The following SPC25 variants were observed in gnomAD, a reference collection of about 807,000 sequenced individuals.
SPC25 encodes kinetochore protein Spc25.
In SPC25, 22 loss-of-function variants were observed where a neutral mutation model predicts 29.6. The observed-to-expected ratio is 0.74, with a 90% CI of 0.53 to 1.06. The LOEUF (loss-of-function observed/expected upper bound fraction) is 1.06, where lower values mean the gene tolerates loss of function less well. Ranked by LOEUF, SPC25 falls within the 50% of genes least tolerant of loss-of-function variation. The probability of loss-of-function intolerance (pLI) is 0.00; values close to 1 mark genes in which losing one functional copy is unlikely to be tolerated. For missense variants in SPC25, 230 were observed against 255.8 expected, an observed-to-expected ratio of 0.90 and a Z score of 0.69; for synonymous variants, 91 against 90.4, an observed-to-expected ratio of 1.01 and a Z score of -0.04.
chr2:168,867,613 A>T (rs1446477541), downstream of SPC25, among the ~76,000 whole-genome samples: 1 of 152,190 alleles, frequency 6.6e-6, no homozygotes, highest in East Asian at 1.9e-4. Context: ...AGACTTTAAA[A>T]CAACAAAGAT....
chr2:168,874,482 C>A (rs922066640), intron 5 of SPC25, among the ~76,000 whole-genome samples: 2 of 152,072 alleles, frequency 1.3e-5, no homozygotes, highest in African/African-American at 4.8e-5. Flanking sequence ...TAACCCAGTG[C>A]CCACCAACAG....
At chr2:168,868,811 A>C (rs1458483579), downstream of SPC25, among the ~76,000 whole-genome samples, 1 of 152,240 alleles carries the variant, frequency 6.6e-6, no homozygotes, top group Non-Finnish European at 1.5e-5. Flanking sequence ...TTCTGAAACT[A>C]TTCCAGTCAA....
intron 4 of SPC25, among the ~76,000 whole-genome samples, chr2:168,864,296 T>A: frequency 7.3e-6 from 1 of 136,160 alleles, no homozygotes; most frequent in East Asian, 2.2e-4. Flanking sequence ...TTTTTTTTTT[T>A]CTGAGACAGA....
chr2:168,863,673 AGT>A, intron 4 of SPC25: 22 of 26,880 alleles, frequency 8.2e-4, no homozygotes, highest in Non-Finnish European at 8.9e-4. Flanking sequence ...CAAAGCTGTG[AGT>A]GAGTTAAACT....
chr2:168,864,807 C>T (rs758363661), intron 4 of SPC25: 2 of 1,612,750 alleles, frequency 1.2e-6, no homozygotes, highest in Non-Finnish European at 1.7e-6. Flanking sequence ...ATCACAGAGA[C>T]CCATTTGTCT....
chr2:168,870,246 TA>T (rs1318274062), downstream of SPC25, among the ~76,000 whole-genome samples: 1 of 151,558 alleles, frequency 6.6e-6, no homozygotes, highest in Non-Finnish European at 1.5e-5. Flanking sequence ...CCTAAAACCA[TA>T]AAAACCCTAG....
chr2:168,863,780 A>ACAAT (rs1197188619), intron 4 of SPC25: 10 of 379,110 alleles, frequency 2.6e-5, no homozygotes, highest in South Asian at 1.1e-4. Flanking sequence ...AACACGCCAA[A>ACAAT]CAATCAAAAA....
At chr2:168,872,260 G>A (rs970854051) in intron 6 of SPC25, among the ~76,000 whole-genome samples, 4 of 152,240 alleles carry the variant, frequency 2.6e-5, no homozygotes, top group East Asian at 1.9e-4. Flanking sequence ...AAGCCACCAT[G>A]CCCAGCCTGA....
chr2:168,886,623 C>A (rs1313378919), intron 3 of SPC25, among the ~76,000 whole-genome samples: 5 of 151,238 alleles, frequency 3.3e-5, no homozygotes, highest in African/African-American at 1.2e-4. Context: ...AGGTTCACGC[C>A]ATTCTCCTGC....
chr2:168,880,313 AG>A (rs1234841081), intron 3 of SPC25, among the ~76,000 whole-genome samples: 4 of 152,348 alleles, frequency 2.6e-5, no homozygotes, highest in Non-Finnish European at 2.9e-5. Flanking sequence ...CTTCTACATT[AG>A]CACTTCTGCT....
In SPC25 at chr2:168,864,769, T is replaced by TATCA. The variant is rs999880231; in HGVS notation, n.419+8812_419+8815dup. 3.2e-5 allele frequency: 50 copies of TATCA among 1,579,672 alleles called. No individual in the cohort carries two copies. In the East Asian group the frequency reaches 7.4e-4, roughly 23 times the overall value. On this transcript the variant is annotated intron_variant and non_coding_transcript_variant, in intron 4 of 4. Coordinates refer to the SPC25 transcript ENST00000479309. The stretch of plus-strand genomic sequence containing the variant: ...TGAAGCAGAACCTCCTTAAAACTCT[T>TATCA]ATCAATCGGGCTGAGGCATGTGTTC...
chr2:168,863,533 A>G lies in SPC25; in HGVS notation n.419+10052T>C, dbSNP rs967369397. The G allele has an allele frequency of 1.0e-5, 10 of 985,222 alleles. No homozygotes were observed. In the South Asian group the frequency reaches 2.8e-4, roughly 28 times the overall value. The allele number at this position is 985,222 out of a possible 1,614,324, so 61.0% of individuals were successfully genotyped here. A position where few individuals can be genotyped will look rare whatever the true frequency, so the allele number is the denominator to read the frequency against. ...TGACAAGAGCCATGTTTCTTGTCCA[A>G]TTCTCTATGGAATTCTCTTTATTTG... On this transcript the variant is annotated intron_variant and non_coding_transcript_variant, in intron 4 of 4. Coordinates refer to the SPC25 transcript ENST00000479309.
chr2:168,884,822 G>GAAT (rs111386589), intron 3 of SPC25: 47,974 of 151,530 alleles, frequency 0.32, 8,349 homozygotes, highest in East Asian at 0.56. Flanking sequence ...AGAAAAGTAG[G>GAAT]AATAATAATA....
downstream of SPC25, among the ~76,000 whole-genome samples, chr2:168,869,893 T>C (rs77821684): frequency 0.085 from 12,864 of 151,792 alleles, 965 homozygotes; most frequent in African/African-American, 0.2. Context: ...GAGCCCGCAT[T>C]GCCAAGTCAA....
At chr2:168,874,708 C>T (rs1690056675) in intron 5 of SPC25, among the ~76,000 whole-genome samples, 1 of 152,026 alleles carries the variant, frequency 6.6e-6, no homozygotes, top group Admixed American at 6.6e-5. Context: ...CAAGGAGAAC[C>T]AGGCATAAGC....
At chr2:168,870,271 C>T (rs1689953784), downstream of SPC25, among the ~76,000 whole-genome samples, 1 of 151,706 alleles carries the variant, frequency 6.6e-6, no homozygotes, top group Admixed American at 6.6e-5. Context: ...AAAACCTAGG[C>T]AATACCATTC....
rs749122759 is a variant in SPC25, at chr2:168,873,605, T to C, written c.530A>G (p.Asn177Ser). ...ESPFMFSLHL[N>S]EARDYEVSDS... ...CATACCTTCATAGTCCCTTGCTTCA[T>C]TGAGATGTAAGGAAAACATAAATGG... Residue 177 changes from asparagine to serine, a missense_variant, in exon 6 of 7, where the codon AAT becomes AGT. Coordinates refer to ENST00000282074, the MANE Select transcript of SPC25 (RefSeq NM_020675.4). The C allele has an allele frequency of 5.6e-6, 9 of 1,610,148 alleles. No individual in the cohort carries two copies. The South Asian group carries it at 7.7e-5, about 14-fold the overall frequency.
At chr2:168,888,924 C>CGTGTGTGTGTGT (rs375198489) in intron 3 of SPC25, among the ~76,000 whole-genome samples, 24 of 87,506 alleles carry the variant, frequency 2.7e-4, no homozygotes, top group Admixed American at 4.9e-4. Context: ...ACTACATGTA[C>CGTGTGTGTGTGT]GTGTGTGTGT....
intron 3 of SPC25, among the ~76,000 whole-genome samples, chr2:168,883,572 T>C (rs1690211393): frequency 6.6e-6 from 1 of 152,172 alleles, no homozygotes; most frequent in Non-Finnish European, 1.5e-5. Context: ...TGAAACTCTT[T>C]TGCTCATTTG....
Sources: gnomAD v4.1 joint callset for allele counts (sites outside exome capture counted in the v4.1 genomes callset) on GRCh38, gnomAD v4.1.1 for gene constraint, MANE v1.5 for transcripts, NCBI Gene and HGNC (gene_info 2026-07-23, HGNC 2026-07-21) for gene names.